YARS1: variants seen among roughly 807,000 people sequenced by gnomAD.
YARS1 encodes the protein tyrosine--tRNA ligase, cytoplasmic.
In YARS1, 36 loss-of-function variants were observed where a neutral mutation model predicts 62.2. That is an observed-to-expected ratio of 0.58 (90% CI 0.44 to 0.76). The LOEUF (loss-of-function observed/expected upper bound fraction) is 0.76, where lower values mean the gene tolerates loss of function less well. Among genes scored for constraint, YARS1 ranks in the 30% least tolerant of loss-of-function variants. YARS1 has a pLI of 0.00. For synonymous variants in YARS1, 234 were observed against 244.9 expected (o/e 0.96, Z 0.42); for missense variants, 524 against 639.8 (o/e 0.82, Z 1.95).
chr1:32,812,539 A>T (rs1638609301), intron 1 of YARS1, among the ~76,000 whole-genome samples: 1 of 152,180 alleles, frequency 6.6e-6, no homozygotes, highest in Non-Finnish European at 1.5e-5. Flanking sequence ...TGTGGGGGGA[A>T]ATTTGCATTC....
At chr1:32,801,239 A>C (rs1638284412) in intron 4 of YARS1, among the ~76,000 whole-genome samples, 1 of 152,016 alleles carries the variant, frequency 6.6e-6, no homozygotes, top group Non-Finnish European at 1.5e-5. Context: ...GCCAGGAGAG[A>C]GGTTTGTGTA....
intron 8 of YARS1, among the ~76,000 whole-genome samples, chr1:32,785,638 A>G (rs958432949): frequency 1.3e-5 from 2 of 151,182 alleles, no homozygotes; most frequent in African/African-American, 4.9e-5. Flanking sequence ...GCTGGAGTAC[A>G]ATGGCGCGAT....
chr1:32,784,910 C>T (rs1310785905), intron 8 of YARS1, among the ~76,000 whole-genome samples: 2 of 152,086 alleles, frequency 1.3e-5, no homozygotes, highest in Non-Finnish European at 2.9e-5. Context: ...GTCTTTTGTT[C>T]AAGTGTCTGT....
intron 4 of YARS1, among the ~76,000 whole-genome samples, chr1:32,804,219 T>A (rs1383643574): frequency 6.6e-6 from 1 of 152,250 alleles, no homozygotes; most frequent in Non-Finnish European, 1.5e-5. Context: ...AAAACCGCCA[T>A]CGTCATCATG....
intron 6 of YARS1, chr1:32,790,908 C>A (rs1319325209): frequency 4.3e-6 from 2 of 468,090 alleles, no homozygotes; most frequent in Non-Finnish European, 7.8e-6. Flanking sequence ...TCATCACAGT[C>A]GTATGAACAA....
intron 6 of YARS1, 46 bp downstream of exon 6, chr1:32,791,116 A>G: frequency 6.5e-7 from 1 of 1,544,266 alleles, no homozygotes; most frequent in South Asian, 1.1e-5. Context: ...CAATCTCTCC[A>G]TTGAGGCTGA....
chr1:32,776,047 T>C lies in YARS1; in HGVS notation c.1521A>G (p.Gln507=). 6.2e-7 allele frequency: 1 copy of C among 1,614,160 alleles called. No homozygotes were observed. Among genetic ancestry groups the C allele is most frequent in the South Asian group, 1.1e-5 (1 of 91,082 alleles). Residue 507 remains glutamine (Q), a synonymous_variant, in exon 13 of 13, where the codon CAA becomes CAG. Coordinates refer to ENST00000373477, the MANE Select transcript of YARS1 (RefSeq NM_003680.4). The surrounding 1 kb of genome is among the most constrained non-coding windows in gnomAD (Gnocchi z 4.0). ...AGCCCAGCTTGGTCATGAAGTTGGT[T>C]TGCTTCCACTGTGCGATGCACTCCT... ...ISEECIAQWK[Q]TNFMTKLGSI...
At chr1:32,784,180 T>C (rs536283324) in intron 8 of YARS1, among the ~76,000 whole-genome samples, 130 of 130,344 alleles carry the variant, frequency 1.0e-3, no homozygotes, top group African/African-American at 3.4e-3. Context: ...AGTATTTTGA[T>C]TTTTTTTTTT....
chr1:32,786,865 C>T, intron 7 of YARS1, 75 bp downstream of exon 7: 2 of 1,595,176 alleles, frequency 1.3e-6, no homozygotes, highest in Non-Finnish European at 1.7e-6. Context: ...GAGTCTGTGA[C>T]AAATCACAAG....
intron 3 of YARS1, among the ~76,000 whole-genome samples, chr1:32,806,832 G>A (rs1638476478): frequency 6.6e-6 from 1 of 152,164 alleles, no homozygotes; most frequent in Non-Finnish European, 1.5e-5. Context: ...AGAGAGGAGG[G>A]TGAGGATTCA....
At chr1:32,799,128 A>G (rs183475741) in intron 4 of YARS1, among the ~76,000 whole-genome samples, 1 of 152,368 alleles carries the variant, frequency 6.6e-6, no homozygotes, top group Admixed American at 6.5e-5. Flanking sequence ...GGTTTTGAAC[A>G]ACATATAGAT....
intron 8 of YARS1, among the ~76,000 whole-genome samples, chr1:32,785,817 C>G (rs1653207070): frequency 6.6e-6 from 1 of 151,818 alleles, no homozygotes; most frequent in African/African-American, 2.4e-5. Flanking sequence ...CTCCTGACCT[C>G]AGGTGATCCA....
intron 8 of YARS1, among the ~76,000 whole-genome samples, chr1:32,784,213 C>T (rs1653149720): frequency 6.7e-6 from 1 of 150,300 alleles, no homozygotes; most frequent in South Asian, 2.1e-4. Context: ...CAGAGTCTCA[C>T]TATGTTGCCT....
intron 4 of YARS1, among the ~76,000 whole-genome samples, chr1:32,805,735 G>A (rs1638449457): frequency 1.3e-5 from 2 of 152,128 alleles, no homozygotes; most frequent in African/African-American, 4.8e-5. Context: ...GCCAAGGTGG[G>A]TGGATCATGA....
At chr1:32,811,301 C>G (rs554666561) in intron 1 of YARS1, 4 of 565,622 alleles carry the variant, frequency 7.1e-6, no homozygotes, top group South Asian at 3.8e-5. Context: ...CCCCTTGCAG[C>G]CTCTTACCCA....
At chr1:32,805,626 C>T (rs1469715027) in intron 4 of YARS1, among the ~76,000 whole-genome samples, 1 of 152,164 alleles carries the variant, frequency 6.6e-6, no homozygotes, top group East Asian at 1.9e-4. Context: ...TTTGACATTC[C>T]TTCTTCACTA....
In YARS1 at chr1:32,776,676, T is replaced by C. The variant is rs1236984909; in HGVS notation, c.1477-585A>G. On this transcript the variant is annotated intron_variant, in intron 12 of 12. Coordinates refer to ENST00000373477, the MANE Select transcript of YARS1 (RefSeq NM_003680.4). The surrounding 1 kb of genome is among the most constrained non-coding windows in gnomAD (Gnocchi z 4.0). ...ATAACCTCAATGTCTAATAAGAGTT[T>C]AGTTAGATTGCCGGGCGTGGTGGCT... Among the ~76,000 whole-genome samples the C allele has an allele frequency of 1.3e-5, 2 of 152,154 alleles. No homozygotes were observed. Among genetic ancestry groups the C allele is most frequent in the Non-Finnish European group, 2.9e-5 (2 of 68,028 alleles).
chr1:32,802,138 G>A (rs563917485), intron 4 of YARS1, among the ~76,000 whole-genome samples: 13 of 151,676 alleles, frequency 8.6e-5, no homozygotes, highest in African/African-American at 2.7e-4. Flanking sequence ...TAGTAGAGAC[G>A]GGGTTTCACC....
chr1:32,778,157 G>C (rs1056525612), intron 12 of YARS1, among the ~76,000 whole-genome samples: 2 of 152,194 alleles, frequency 1.3e-5, no homozygotes, highest in Non-Finnish European at 2.9e-5. Flanking sequence ...TCACCCATGA[G>C]TGTTAGTTCC....
Sources: gnomAD v4.1 joint callset for allele counts (sites outside exome capture counted in the v4.1 genomes callset) on GRCh38, gnomAD v4.1.1 for gene constraint, Gnocchi (gnomAD v3.1) non-coding constraint, MANE v1.5 for transcripts, NCBI Gene and HGNC (gene_info 2026-07-23, HGNC 2026-07-21) for gene names.